The following SCAPER variants were observed in gnomAD, a reference collection of about 807,000 sequenced individuals.
SCAPER encodes the protein S-phase cyclin A associated protein in the ER.
In SCAPER, 98 loss-of-function variants were observed where a neutral mutation model predicts 182.2. That is an observed-to-expected ratio of 0.54 (90% CI 0.46 to 0.64). The LOEUF is 0.64. SCAPER is among the 30% of genes least tolerant of loss of function. The pLI is 0.00. For synonymous variants in SCAPER, 605 were observed against 564.6 expected (o/e 1.07, Z -1.01); for missense variants, 1,432 against 1,690.0 (o/e 0.85, Z 2.68).
At chr15:76,532,694 A>G (rs565955876) in intron 23 of SCAPER, among the ~76,000 whole-genome samples, 1 of 152,292 alleles carries the variant, frequency 6.6e-6, no homozygotes, top group African/African-American at 2.4e-5. Flanking sequence ...TTCACCTTAA[A>G]TGTGGTCTTG....
chr15:76,451,198 A>C (rs8025581), intron 25 of SCAPER, among the ~76,000 whole-genome samples: 7,720 of 152,296 alleles, frequency 0.051, 589 homozygotes, highest in African/African-American at 0.16. Flanking sequence ...ATGTTGTATC[A>C]ATAGTTCATT....
At chr15:76,418,429 G>A (rs1428886202) in intron 26 of SCAPER, among the ~76,000 whole-genome samples, 1 of 152,204 alleles carries the variant, frequency 6.6e-6, no homozygotes, top group Non-Finnish European at 1.5e-5. Context: ...ATCTAGTTTG[G>A]AGAGTAGCTG....
chr15:76,845,535 T>A (rs1441274617), intron 4 of SCAPER, among the ~76,000 whole-genome samples: 1 of 151,658 alleles, frequency 6.6e-6, no homozygotes, highest in Non-Finnish European at 1.5e-5. Context: ...AAAGTCAACA[T>A]ACAAAAACCA....
At chr15:76,522,473 C>CA (rs1208530929) in intron 23 of SCAPER, among the ~76,000 whole-genome samples, 1 of 152,076 alleles carries the variant, frequency 6.6e-6, no homozygotes, top group Non-Finnish European at 1.5e-5. Context: ...CTGTGATACT[C>CA]AAATTCTAAT....
chr15:76,868,918 C>T (rs1041057339), intron 2 of SCAPER, among the ~76,000 whole-genome samples: 5 of 152,110 alleles, frequency 3.3e-5, no homozygotes, highest in African/African-American at 9.7e-5. Context: ...AAAACAAACA[C>T]ACAGACCAAT....
chr15:76,716,468 A>C (rs1443276818), intron 17 of SCAPER, among the ~76,000 whole-genome samples: 1 of 152,198 alleles, frequency 6.6e-6, no homozygotes, highest in Non-Finnish European at 1.5e-5. Flanking sequence ...CCCCAAAGAA[A>C]CAGAAATCTA....
intron 5 of SCAPER, among the ~76,000 whole-genome samples, chr15:76,834,751 C>A (rs1343216987): frequency 6.6e-6 from 1 of 152,066 alleles, no homozygotes; most frequent in African/African-American, 2.4e-5. Context: ...TACAAAAAAC[C>A]CTCAGAGACT....
At chr15:76,687,880 G>T (rs539490151) in intron 20 of SCAPER, among the ~76,000 whole-genome samples, 54 of 152,252 alleles carry the variant, frequency 3.5e-4, no homozygotes, top group Non-Finnish European at 7.1e-4. Flanking sequence ...TTGCTATTGT[G>T]AACAGTGCTG....
chr15:76,501,323 AGG>A (rs2041095680), intron 24 of SCAPER, among the ~76,000 whole-genome samples: 4 of 145,894 alleles, frequency 2.7e-5, no homozygotes, highest in Non-Finnish European at 6.0e-5. Context: ...TTCCAGAAGT[AGG>A]TATAACTCTC....
At chr15:76,604,205 G>C (rs1313638843) in intron 22 of SCAPER, among the ~76,000 whole-genome samples, 1 of 120,698 alleles carries the variant, frequency 8.3e-6, no homozygotes, top group African/African-American at 2.5e-5. Flanking sequence ...TTTTGTATAA[G>C]GTGTAAGGAA....
At chr15:76,375,220 A>C (rs1168169156) in intron 29 of SCAPER, among the ~76,000 whole-genome samples, 5 of 151,310 alleles carry the variant, frequency 3.3e-5, no homozygotes, top group African/African-American at 1.2e-4. Flanking sequence ...CTTGTCAAAA[A>C]AAAAAAAAAA....
intron 21 of SCAPER, among the ~76,000 whole-genome samples, chr15:76,647,021 A>C (rs753555084): frequency 5.9e-5 from 9 of 152,202 alleles, no homozygotes; most frequent in Non-Finnish European, 1.2e-4. Flanking sequence ...CTCCCTTCTT[A>C]AAAGGCCAAA....
intron 17 of SCAPER, among the ~76,000 whole-genome samples, chr15:76,722,075 G>C (rs942314280): frequency 1.3e-5 from 2 of 152,112 alleles, no homozygotes; most frequent in East Asian, 1.9e-4. Context: ...TCAATAGATA[G>C]CTCTTATTAT....
At chr15:76,741,164 C>T (rs1347211338) in intron 15 of SCAPER, among the ~76,000 whole-genome samples, 1 of 152,044 alleles carries the variant, frequency 6.6e-6, no homozygotes, top group Non-Finnish European at 1.5e-5. Flanking sequence ...TACGAAGTAT[C>T]ATGTATAGCA....
intron 26 of SCAPER, among the ~76,000 whole-genome samples, chr15:76,426,763 C>T (rs990476827): frequency 6.6e-6 from 1 of 152,074 alleles, no homozygotes; most frequent in African/African-American, 2.4e-5. Flanking sequence ...ATAGCCAAAG[C>T]AATCCTGAGC....
intron 30 of SCAPER, among the ~76,000 whole-genome samples, chr15:76,352,718 G>A (rs1338080668): frequency 1.3e-5 from 2 of 151,700 alleles, no homozygotes; most frequent in Non-Finnish European, 2.9e-5. Flanking sequence ...CCAAAGTGCT[G>A]GGATTACAGA....
intron 15 of SCAPER, among the ~76,000 whole-genome samples, chr15:76,737,620 G>A (rs2061340250): frequency 6.6e-6 from 1 of 152,202 alleles, no homozygotes; most frequent in East Asian, 1.9e-4. Context: ...TTGAAGATTT[G>A]AAGCCAAGCT....
At chr15:76,454,073 G>A (rs199768430) in intron 25 of SCAPER, among the ~76,000 whole-genome samples, 14 of 151,280 alleles carry the variant, frequency 9.3e-5, no homozygotes, top group Middle Eastern at 3.2e-3. Context: ...CTTCACTAGC[G>A]GATCCCTACT....
At chr15:76,852,215 G>A (rs1326474792) in intron 4 of SCAPER, among the ~76,000 whole-genome samples, 1 of 152,122 alleles carries the variant, frequency 6.6e-6, no homozygotes, top group Non-Finnish European at 1.5e-5. Flanking sequence ...GACCTACAAA[G>A]AGACTTAGAC....
Sources: gnomAD v4.1 joint callset for allele counts (sites outside exome capture counted in the v4.1 genomes callset) on GRCh38, gnomAD v4.1.1 for gene constraint, MANE v1.5 for transcripts, NCBI Gene and HGNC (gene_info 2026-07-23, HGNC 2026-07-21) for gene names.